PRKCA: variants seen among roughly 807,000 people sequenced by gnomAD.
PRKCA encodes protein kinase C alpha type.
In PRKCA, 27 loss-of-function variants were observed where a neutral mutation model predicts 87.0. The observed-to-expected ratio is 0.31, with a 90% CI of 0.23 to 0.43. The LOEUF (loss-of-function observed/expected upper bound fraction) is 0.43, where lower values mean the gene tolerates loss of function less well. Ranked by LOEUF, PRKCA falls within the 20% of genes least tolerant of loss-of-function variation. The probability of loss-of-function intolerance (pLI) is 1.00; values close to 1 mark genes in which losing one functional copy is unlikely to be tolerated. For synonymous variants in PRKCA, 329 were observed against 311.1 expected (o/e 1.06, Z -0.61); for missense variants, 518 against 852.3 (o/e 0.61, Z 4.88).
chr17:66,384,867 T>C, intron 2 of PRKCA, among the ~76,000 whole-genome samples: 1 of 152,108 alleles, frequency 6.6e-6, no homozygotes, highest in East Asian at 1.9e-4. Context: ...CCTGACCTCG[T>C]GATCCGCCCC....
At chr17:66,375,220 G>T (rs989967757) in intron 2 of PRKCA, among the ~76,000 whole-genome samples, 3 of 152,162 alleles carry the variant, frequency 2.0e-5, no homozygotes, top group Non-Finnish European at 4.4e-5. Context: ...AGTTGAAAAT[G>T]AAATCAGTCC....
At chr17:66,787,610 T>A (rs763232499) in intron 15 of PRKCA, among the ~76,000 whole-genome samples, 4 of 152,194 alleles carry the variant, frequency 2.6e-5, no homozygotes, top group Non-Finnish European at 5.9e-5. Flanking sequence ...TGCTGATAAA[T>A]GAATCTTCAC....
chr17:66,607,268 A>G (rs2039032135), intron 3 of PRKCA, among the ~76,000 whole-genome samples: 1 of 151,968 alleles, frequency 6.6e-6, no homozygotes, highest in South Asian at 2.1e-4. Context: ...TTGCCAAACC[A>G]CTCTAGAGTT....
intron 8 of PRKCA, among the ~76,000 whole-genome samples, chr17:66,704,839 T>C (rs1476469817): frequency 6.6e-6 from 1 of 152,254 alleles, no homozygotes; most frequent in Non-Finnish European, 1.5e-5. Flanking sequence ...CTAGGTTATA[T>C]GTGGAAAGAG....
intron 3 of PRKCA, among the ~76,000 whole-genome samples, chr17:66,581,462 GTTTTGTTTTTTCTT>G (rs1184863389): frequency 6.6e-6 from 1 of 151,990 alleles, no homozygotes; most frequent in Non-Finnish European, 1.5e-5. Context: ...TTTCTGAAGT[GTTTTGTTTTTTCTT>G]TTTTGTTTTT....
intron 2 of PRKCA, among the ~76,000 whole-genome samples, chr17:66,389,278 G>A (rs1793831440): frequency 1.3e-5 from 2 of 152,214 alleles, no homozygotes; most frequent in South Asian, 2.1e-4. Flanking sequence ...CCTTGAAGGG[G>A]AGGGAAGAGA....
At chr17:66,594,860 T>C (rs970563956) in intron 3 of PRKCA, among the ~76,000 whole-genome samples, 1 of 152,198 alleles carries the variant, frequency 6.6e-6, no homozygotes, top group Non-Finnish European at 1.5e-5. Flanking sequence ...GAAACCTTTA[T>C]ATATACTCTC....
Position 66,765,418 on chromosome 17 carries a change from CTATATA to C in PRKCA, c.1525-8537_1525-8532del, listed in dbSNP as rs58356468. 4.9e-3 allele frequency among the ~76,000 whole-genome samples: 243 copies of C among 49,330 alleles called. 4 individuals carry two copies. The highest frequency in any genetic ancestry group is 0.013 in the South Asian group (15 of 1,190). 32.4% of individuals were successfully genotyped at this position (49,330 alleles called of 152,430 possible). ...CCTGGTCGACAGAGCAAGACTTTGT[CTATATA>C]TATATATATATATATATATATATAT... On this transcript the variant is annotated intron_variant, in intron 13 of 16. Coordinates refer to ENST00000413366, the MANE Select transcript of PRKCA (RefSeq NM_002737.3).
chr17:66,464,135 A>G (rs1206892062), intron 2 of PRKCA, among the ~76,000 whole-genome samples: 1 of 152,130 alleles, frequency 6.6e-6, no homozygotes, highest in African/African-American at 2.4e-5. Context: ...TGCAGCATGT[A>G]ACCTTTTCAG....
chr17:66,351,242 T>G (rs1303012961), intron 2 of PRKCA, among the ~76,000 whole-genome samples: 3 of 152,202 alleles, frequency 2.0e-5, no homozygotes, highest in Admixed American at 2.0e-4. Context: ...ACTGTTCTGA[T>G]TTTACTTCCT....
intron 5 of PRKCA, among the ~76,000 whole-genome samples, chr17:66,665,618 A>C (rs1482601685): frequency 6.6e-6 from 1 of 152,104 alleles, no homozygotes; most frequent in African/African-American, 2.4e-5. Flanking sequence ...AGTGGGGTAG[A>C]GTACTTCCCC....
rs796928858 is a variant in PRKCA at position 66,694,506 on chromosome 17, A to T, written c.918+5459A>T. 6.8e-3 allele frequency among the ~76,000 whole-genome samples: 1,005 copies of T among 146,958 alleles called. 21 individuals carry two copies. Among genetic ancestry groups the T allele is most frequent in the African/African-American group, 0.023 (948 of 40,506 alleles). ...AAAAAAAAAAAAAAAAAAAAAAAAA[A>T]AGGATTTGATGTAAACCACACGAAG... On this transcript the variant is annotated intron_variant, in intron 8 of 16. Coordinates refer to ENST00000413366, the MANE Select transcript of PRKCA (RefSeq NM_002737.3).
chr17:66,472,928 T>G (rs1351865270), intron 2 of PRKCA, among the ~76,000 whole-genome samples: 2 of 152,192 alleles, frequency 1.3e-5, no homozygotes, highest in Admixed American at 6.5e-5. Context: ...TCTGCCAGAC[T>G]TTAGTCAGAG....
At position 66,688,287 on chromosome 17, in the gene PRKCA, G is replaced by A; in HGVS notation, c.687-15G>A. 1.9e-6 allele frequency: 3 copies of A among 1,613,720 alleles called. No individual in the cohort carries two copies. Among genetic ancestry groups the A allele is most frequent in the Non-Finnish European group, 2.5e-6 (3 of 1,179,894 alleles). The stretch of plus-strand genomic sequence containing the variant: ...TCAAGATAACCTAGTGTTTGCATGT[G>A]TGTGTGTCTTGTAGCAAATTGAAAC... On this transcript the variant is annotated splice_polypyrimidine_tract_variant and intron_variant, in intron 6 of 16. Transcript: ENST00000413366.
intron 1 of PRKCA, among the ~76,000 whole-genome samples, chr17:66,303,508 G>GA (rs1904633621): frequency 6.6e-6 from 1 of 151,748 alleles, no homozygotes; most frequent in Admixed American, 6.6e-5. Context: ...CGGGGTGGGG[G>GA]GGTTGTGTTT....
chr17:66,696,150 T>C (rs1473097556), intron 8 of PRKCA, among the ~76,000 whole-genome samples: 1 of 152,218 alleles, frequency 6.6e-6, no homozygotes, highest in African/African-American at 2.4e-5. Flanking sequence ...GTTTCCGTGC[T>C]GGGCATCGTA....
chr17:66,555,554 C>T (rs1216359881), intron 3 of PRKCA, among the ~76,000 whole-genome samples: 3 of 152,078 alleles, frequency 2.0e-5, no homozygotes, highest in African/African-American at 7.2e-5. Context: ...AATGTCCCTC[C>T]TTGGAAGTAT....
intron 14 of PRKCA, chr17:66,774,890 A>C: frequency 2.0e-6 from 2 of 985,460 alleles, no homozygotes; most frequent in African/African-American, 3.5e-5. Context: ...CATCCAGTTA[A>C]GGAAGGTAAA....
At chr17:66,656,007 T>A (rs1971725825) in intron 5 of PRKCA, among the ~76,000 whole-genome samples, 1 of 152,166 alleles carries the variant, frequency 6.6e-6, no homozygotes, top group South Asian at 2.1e-4. Flanking sequence ...ATGTACAGAC[T>A]TGCAGCATGC....
Sources: gnomAD v4.1 joint callset for allele counts (sites outside exome capture counted in the v4.1 genomes callset) on GRCh38, gnomAD v4.1.1 for gene constraint, MANE v1.5 for transcripts, NCBI Gene and HGNC (gene_info 2026-07-23, HGNC 2026-07-21) for gene names.